PTPRD: variants seen among roughly 807,000 people sequenced by gnomAD.
PTPRD encodes the protein receptor-type tyrosine-protein phosphatase delta.
Under a neutral mutation model 214.5 loss-of-function variants are expected in PTPRD, and 34 were observed. That is an observed-to-expected ratio of 0.16 (90% confidence interval 0.12 to 0.21). The LOEUF (loss-of-function observed/expected upper bound fraction) is 0.21, where lower values mean the gene tolerates loss of function less well. Among genes scored for constraint, PTPRD ranks in the 10% least tolerant of loss-of-function variants. The pLI is 1.00. For missense variants in PTPRD, 2,545 were observed against 2,398.7 expected (o/e 1.06, Z -1.27); for synonymous variants, 1,128 against 845.7 (o/e 1.33, Z -5.79).
intron 8 of PTPRD, among the ~76,000 whole-genome samples, chr9:9,534,828 T>C (rs1039357246): frequency 4.6e-5 from 7 of 152,070 alleles, no homozygotes; most frequent in African/African-American, 1.7e-4. Flanking sequence ...TACCATGTAA[T>C]TGTCTTTAAA....
chr9:8,640,163 C>G (rs1237081455), intron 12 of PTPRD, among the ~76,000 whole-genome samples: 4 of 152,038 alleles, frequency 2.6e-5, no homozygotes. Context: ...CTCCAGGGCT[C>G]AAGGATCCTC....
intron 10 of PTPRD, among the ~76,000 whole-genome samples, chr9:9,141,678 T>C (rs932812653): frequency 4.0e-5 from 6 of 151,010 alleles, no homozygotes; most frequent in Admixed American, 1.3e-4. Context: ...AAAAATCTGA[T>C]ATAAATATAG....
intron 3 of PTPRD, among the ~76,000 whole-genome samples, chr9:10,336,431 G>T (rs1221479621): frequency 6.6e-6 from 1 of 151,502 alleles, no homozygotes; most frequent in East Asian, 1.9e-4. Context: ...GCCAGAAAAT[G>T]GTTCACATAA....
chr9:8,591,126 C>T (rs2094069824), intron 14 of PTPRD, among the ~76,000 whole-genome samples: 1 of 152,116 alleles, frequency 6.6e-6, no homozygotes, highest in African/African-American at 2.4e-5. Flanking sequence ...ATTTAAAGAC[C>T]CTTATTATTA....
chr9:8,398,985 C>T (rs771332718), intron 36 of PTPRD, among the ~76,000 whole-genome samples: 1 of 151,922 alleles, frequency 6.6e-6, no homozygotes, highest in Non-Finnish European at 1.5e-5. Flanking sequence ...ATATTACATA[C>T]TAGGTTTATT....
intron 14 of PTPRD, among the ~76,000 whole-genome samples, chr9:8,557,647 G>C (rs2084404260): frequency 6.7e-6 from 1 of 148,658 alleles, no homozygotes; most frequent in Non-Finnish European, 1.5e-5. Flanking sequence ...GGAGGCTGAG[G>C]CAGGGGAATC....
chr9:10,222,388 T>G (rs1047449194), intron 3 of PTPRD, among the ~76,000 whole-genome samples: 1 of 151,998 alleles, frequency 6.6e-6, no homozygotes, highest in Admixed American at 6.6e-5. Context: ...CAAAAACAAA[T>G]AAAACAATAC....
intron 11 of PTPRD, among the ~76,000 whole-genome samples, chr9:8,976,999 G>T (rs902051067): frequency 6.6e-6 from 1 of 152,070 alleles, no homozygotes; most frequent in African/African-American, 2.4e-5. Context: ...CTGCAAAAAA[G>T]AGCCATCCAA....
chr9:9,012,994 A>G (rs73439817), intron 11 of PTPRD, among the ~76,000 whole-genome samples: 114 of 152,276 alleles, frequency 7.5e-4, no homozygotes, highest in African/African-American at 2.4e-3. Flanking sequence ...TTTTGAATGA[A>G]AAAAATAAAC....
chr9:9,223,987 T>C (rs999812381), intron 9 of PTPRD, among the ~76,000 whole-genome samples: 1 of 152,078 alleles, frequency 6.6e-6, no homozygotes, highest in Non-Finnish European at 1.5e-5. Flanking sequence ...AAGTATTGAA[T>C]ATAACAAATG....
intron 3 of PTPRD, among the ~76,000 whole-genome samples, chr9:10,248,803 T>C (rs1425727733): frequency 6.6e-6 from 1 of 152,038 alleles, no homozygotes; most frequent in East Asian, 1.9e-4. Context: ...TCTTGTGTCA[T>C]CCACTGGGAA....
At chr9:9,467,234 T>TTTTTTTTTTTC (rs1569568586) in intron 8 of PTPRD, among the ~76,000 whole-genome samples, 1 of 123,054 alleles carries the variant, frequency 8.1e-6, no homozygotes, top group Non-Finnish European at 1.7e-5. Flanking sequence ...TTTTTTTTTT[T>TTTTTTTTTTTC]TTTAACCTAA....
intron 11 of PTPRD, among the ~76,000 whole-genome samples, chr9:8,974,640 G>A (rs12339309): frequency 0.23 from 35,479 of 151,824 alleles, 4,429 homozygotes; most frequent in East Asian, 0.5. Flanking sequence ...CATGTATACT[G>A]CTTACGTTTA....
At chr9:10,338,929 T>C (rs1597457306) in intron 3 of PTPRD, among the ~76,000 whole-genome samples, 1 of 148,926 alleles carries the variant, frequency 6.7e-6, no homozygotes, top group East Asian at 1.9e-4. Context: ...GGGTCATAAA[T>C]ATAATGTAGA....
intron 3 of PTPRD, among the ~76,000 whole-genome samples, chr9:10,128,017 T>G (rs924411565): frequency 6.6e-6 from 1 of 152,158 alleles, no homozygotes; most frequent in South Asian, 2.1e-4. Flanking sequence ...AGAAAGGCCT[T>G]GGTAGCTACA....
At chr9:10,295,602 T>C (rs1416685111) in intron 3 of PTPRD, among the ~76,000 whole-genome samples, 2 of 152,132 alleles carry the variant, frequency 1.3e-5, no homozygotes, top group Non-Finnish European at 2.9e-5. Flanking sequence ...CATCACTCTC[T>C]GTTTCCTTAG....
intron 11 of PTPRD, among the ~76,000 whole-genome samples, chr9:8,951,474 A>C (rs923732156): frequency 6.6e-6 from 1 of 151,900 alleles, no homozygotes; most frequent in East Asian, 1.9e-4. Flanking sequence ...CTTTCTACTG[A>C]AATCTAGATT....
At chr9:9,268,799 T>G (rs1166733332) in intron 9 of PTPRD, among the ~76,000 whole-genome samples, 2 of 139,594 alleles carry the variant, frequency 1.4e-5, no homozygotes, top group African/African-American at 5.5e-5. Context: ...AAACTTGATA[T>G]CCACAAGCAA....
intron 6 of PTPRD, among the ~76,000 whole-genome samples, chr9:9,752,400 A>C (rs1026059733): frequency 6.6e-6 from 1 of 152,068 alleles, no homozygotes; most frequent in Non-Finnish European, 1.5e-5. Context: ...AGATGAACAA[A>C]TTGAGACCCA....
Sources: gnomAD v4.1 joint callset for allele counts (sites outside exome capture counted in the v4.1 genomes callset) on GRCh38, gnomAD v4.1.1 for gene constraint, MANE v1.5 for transcripts, NCBI Gene and HGNC (gene_info 2026-07-23, HGNC 2026-07-21) for gene names.